Variants in SAP30 observed in about 807,000 individuals in gnomAD.
SAP30 encodes the protein Sin3A associated protein 30, also known as histone deacetylase complex subunit SAP30.
A neutral mutation model predicts 19.6 loss-of-function variants in SAP30; 13 were observed. That is an observed-to-expected ratio of 0.66 (90% confidence interval 0.43 to 1.05). The LOEUF (loss-of-function observed/expected upper bound fraction) is 1.05, where lower values mean the gene tolerates loss of function less well. SAP30 is among the 50% of genes least tolerant of loss of function. The pLI, the probability that SAP30 is intolerant of heterozygous loss-of-function variation, is 0.00. For missense variants in SAP30, 257 were observed against 292.1 expected, an observed-to-expected ratio of 0.88 and a Z score of 0.88; for synonymous variants, 108 against 122.7, an observed-to-expected ratio of 0.88 and a Z score of 0.79.
At chr4:173,377,102 A>T (rs1475039529) in intron 3 of SAP30, 103 bp from the exon 4 acceptor site, 1 of 734,290 alleles carries the variant, frequency 1.4e-6, no homozygotes, top group Non-Finnish European at 2.1e-6. Flanking sequence ...AATAGCCCTT[A>T]TCACATAGCA....
At chr4:173,376,363 C>T (rs1483363280) in intron 3 of SAP30, among the ~76,000 whole-genome samples, 1 of 152,062 alleles carries the variant, frequency 6.6e-6, no homozygotes, top group Non-Finnish European at 1.5e-5. Flanking sequence ...TTCAAGGAAC[C>T]TTAACCAAAG....
Position 173,371,614 on chromosome 4 carries a change from T to G in SAP30, c.315+117T>G. ...GACAACCGCACTGGCTGCAGTGCGG[T>G]CTCGTGGAGTCTGTGTTTGGAAGCA... On this transcript the variant is annotated intron_variant, in intron 1 of 3. Coordinates refer to ENST00000296504, the MANE Select transcript of SAP30 (RefSeq NM_003864.4). This position sits in a 1 kb window ranked among gnomAD's most constrained non-coding sequence, Gnocchi z 6.4. 2.1e-6 allele frequency: 3 copies of G among 1,444,582 alleles called. No individual in the cohort carries two copies. Among genetic ancestry groups the G allele is most frequent in the Non-Finnish European group, 2.7e-6 (3 of 1,097,322 alleles). 89.5% of individuals were successfully genotyped at this position (1,444,582 alleles called of 1,614,324 possible). A position where few individuals can be genotyped will look rare whatever the true frequency, so the allele number is the denominator to read the frequency against.
chr4:173,373,254 A>G, intron 1 of SAP30, 136 bp from the exon 2 acceptor site: 1 of 678,476 alleles, frequency 1.5e-6, no homozygotes, highest in South Asian at 2.7e-5. Context: ...TAAACGTATA[A>G]ATATTCCATT....
At chr4:173,373,578 A>G in intron 2 of SAP30, 63 bp downstream of exon 2, 2 of 1,439,506 alleles carry the variant, frequency 1.4e-6, no homozygotes, top group Non-Finnish European at 1.9e-6. Context: ...GCCTTTATAA[A>G]AAGATATGAA....
Position 173,371,526 on chromosome 4 carries a change from T to A in SAP30, c.315+29T>A. On this transcript the variant is annotated intron_variant, in intron 1 of 3. Transcript: ENST00000296504. This position sits in a 1 kb window ranked among gnomAD's most constrained non-coding sequence, Gnocchi z 6.4. ...AGTAAACCGCGGGACCGCCCTGCCC[T>A]CCCGCCCCTCGGTGGGGCCCCAGGA... 6.4e-7 allele frequency: 1 copy of A among 1,565,882 alleles called. No individual in the cohort carries two copies. Among genetic ancestry groups the A allele is most frequent in the Non-Finnish European group, 8.6e-7 (1 of 1,159,658 alleles).
chr4:173,373,378 T>C lies in SAP30; in HGVS notation c.316-12T>C, dbSNP rs770793790. The C allele has an allele frequency of 1.9e-5, 31 of 1,597,242 alleles. No individual in the cohort carries two copies. Among genetic ancestry groups the C allele is most frequent in the Non-Finnish European group, 2.3e-5 (27 of 1,173,000 alleles). On this transcript the variant is annotated splice_polypyrimidine_tract_variant and intron_variant, in intron 1 of 3. Transcript: ENST00000296504. ...GTAATCATAAGCAGTGTGTAAAACT[T>C]TTCTGTTTCAGGCAAGGCATCTTTA...
intron 3 of SAP30, among the ~76,000 whole-genome samples, chr4:173,375,842 C>A (rs1560823875): frequency 6.6e-6 from 1 of 152,214 alleles, no homozygotes; most frequent in East Asian, 1.9e-4. Flanking sequence ...CACCAGCTAG[C>A]AAGCATTACT....
chr4:173,371,097 T>A lies in SAP30; in HGVS notation c.-86T>A. 1 of 1,333,542 alleles carries A rather than the reference T, an allele frequency of 7.5e-7. No homozygotes were observed. The highest frequency in any genetic ancestry group is 9.7e-7 in the Non-Finnish European group (1 of 1,032,312). The allele number at this position is 1,333,542 out of a possible 1,614,324, so 82.6% of individuals were successfully genotyped here. A position where few individuals can be genotyped will look rare whatever the true frequency, so the allele number is the denominator to read the frequency against. ...CCGCTGTCTAACTTGGTGTGCAGAG[T>A]GAATTGCCGCTGCCGGAGCGGAGAG... On this transcript the variant is annotated 5_prime_UTR_variant, in exon 1 of 4. Coordinates refer to ENST00000296504, the MANE Select transcript of SAP30 (RefSeq NM_003864.4). The surrounding 1 kb of genome is among the most constrained non-coding windows in gnomAD (Gnocchi z 6.4).
In SAP30 at chr4:173,373,513, G is replaced by C; in HGVS notation, c.439G>C (p.Glu147Gln). The change falls in exon 2 of 4, where the codon GAG becomes CAG. Residue 147 changes from glutamate (E) to glutamine (Q), a missense_variant and splice_region_variant. Transcript: ENST00000296504. ...DSPVQDIDTP[E>Q]VDLYQLQVNT... The stretch of plus-strand genomic sequence containing the variant: ...ACCTGTTCAAGATATTGATACCCCA[G>C]AGGTAGATGGAAGTTTTTTATGCTT... 1 of 1,593,330 alleles carries C rather than the reference G, an allele frequency of 6.3e-7. No homozygotes were observed. Among genetic ancestry groups the C allele is most frequent in the Non-Finnish European group, 8.5e-7 (1 of 1,171,728 alleles).
chr4:173,371,524 C>A lies in SAP30; in HGVS notation c.315+27C>A. On this transcript the variant is annotated intron_variant, in intron 1 of 3. Transcript: ENST00000296504. The surrounding 1 kb of genome is among the most constrained non-coding windows in gnomAD (Gnocchi z 6.4). ...TAAGTAAACCGCGGGACCGCCCTGC[C>A]CTCCCGCCCCTCGGTGGGGCCCCAG... 1 of 1,568,452 alleles carries A rather than the reference C, an allele frequency of 6.4e-7. No homozygotes were observed.
intron 3 of SAP30, among the ~76,000 whole-genome samples, chr4:173,375,697 A>G (rs1225866778): frequency 3.3e-5 from 5 of 152,202 alleles, no homozygotes; most frequent in Non-Finnish European, 7.4e-5. Context: ...CTTAATCAGA[A>G]ATGCAGATAT....
In SAP30 at chr4:173,371,365, G is replaced by C; in HGVS notation, c.183G>C (p.Pro61=). 1 of 1,522,660 alleles carries C rather than the reference G, an allele frequency of 6.6e-7. No homozygotes were observed. The highest frequency in any genetic ancestry group is 8.7e-7 in the Non-Finnish European group (1 of 1,145,362). The allele number at this position is 1,522,660 out of a possible 1,614,324, so 94.3% of individuals were successfully genotyped here. A position where few individuals can be genotyped will look rare whatever the true frequency, so the allele number is the denominator to read the frequency against. ...CTGGGCCCCCGGGGGCGGCCGGGCCGGGCCCCGGGCAACTGTGCTGCCTGC... is the reference window on the plus strand; with the variant it reads ...CTGGGCCCCCGGGGGCGGCCGGGCCCGGCCCCGGGCAACTGTGCTGCCTGC... The part of the protein sequence containing the change: ...SAAGPPGAAG[P]GPGQLCCLRE... The change falls in exon 1 of 4, where the codon CCG becomes CCC. Residue 61 remains proline (P), a synonymous_variant. Coordinates refer to ENST00000296504, the MANE Select transcript of SAP30 (RefSeq NM_003864.4). This position sits in a 1 kb window ranked among gnomAD's most constrained non-coding sequence, Gnocchi z 6.4.
At position 173,377,420 on chromosome 4, in the gene SAP30, G is replaced by T; in HGVS notation, c.*93G>T. The T allele has an allele frequency of 8.0e-7, 1 of 1,251,844 alleles. No individual in the cohort carries two copies. Among genetic ancestry groups the T allele is most frequent in the Non-Finnish European group, 1.1e-6 (1 of 909,830 alleles). 77.5% of individuals were successfully genotyped at this position (1,251,844 alleles called of 1,614,324 possible). A position where few individuals can be genotyped will look rare whatever the true frequency, so the allele number is the denominator to read the frequency against. On this transcript the variant is annotated 3_prime_UTR_variant, in exon 4 of 4. Transcript: ENST00000296504. ...GTTCTTTGTGTATTTTTTCTACAGAGGATTTTCTCTGATTTTATTTTCTTT... is the reference window on the plus strand; with the variant it reads ...GTTCTTTGTGTATTTTTTCTACAGATGATTTTCTCTGATTTTATTTTCTTT...
chr4:173,371,835 G>A lies in SAP30; in HGVS notation c.315+338G>A, dbSNP rs1450051791. ...ACCGGCGCACTGAGGGCCCAGAGTA[G>A]TTTTCTTGCAGCCCGGCAGCTCTTC... is the stretch of plus-strand genomic sequence containing the variant. On this transcript the variant is annotated intron_variant, in intron 1 of 3. Coordinates refer to ENST00000296504, the MANE Select transcript of SAP30 (RefSeq NM_003864.4). The surrounding 1 kb of genome is among the most constrained non-coding windows in gnomAD (Gnocchi z 6.4). 6.6e-6 allele frequency among the ~76,000 whole-genome samples: 1 copy of A among 152,220 alleles called. No individual in the cohort carries two copies. Among genetic ancestry groups the A allele is most frequent in the Non-Finnish European group, 1.5e-5 (1 of 68,050 alleles).
chr4:173,371,296 G>A lies in SAP30; in HGVS notation c.114G>A (p.Ala38=). The change falls in exon 1 of 4, where the codon GCG becomes GCA. Residue 38 remains alanine, a synonymous_variant. Coordinates refer to ENST00000296504, the MANE Select transcript of SAP30 (RefSeq NM_003864.4). This position sits in a 1 kb window ranked among gnomAD's most constrained non-coding sequence, Gnocchi z 6.4. ...AAASAGNGTG[A]GTGAEVPGAG... is the part of the protein sequence containing the mutation. ...CCTCGGCGGGGAACGGGACCGGCGC[G>A]GGCACCGGGGCTGAGGTGCCGGGCG... 1 of 1,235,142 alleles carries A rather than the reference G, an allele frequency of 8.1e-7. No homozygotes were observed. Among genetic ancestry groups the A allele is most frequent in the Non-Finnish European group, 1.0e-6 (1 of 994,398 alleles). 76.5% of individuals were successfully genotyped at this position (1,235,142 alleles called of 1,614,324 possible).
intron 3 of SAP30, among the ~76,000 whole-genome samples, chr4:173,376,703 C>T (rs1435435422): frequency 1.3e-5 from 2 of 152,230 alleles, no homozygotes; most frequent in African/African-American, 2.4e-5. Flanking sequence ...ACTGCAACCT[C>T]CACCTTCTGG....
At position 173,377,334 on chromosome 4, in the gene SAP30, T is replaced by C. The variant is rs762762104; in HGVS notation, c.*7T>C. ...TGATAGTGGTGTTCACTAGGAGACG[T>C]GGAATTGAGACTAATAACTTGGATG... On this transcript the variant is annotated 3_prime_UTR_variant, in exon 4 of 4. Transcript: ENST00000296504. 2.5e-6 allele frequency: 4 copies of C among 1,598,062 alleles called. No homozygotes were observed. The highest frequency in any genetic ancestry group is 1.8e-5 in the Admixed American group (1 of 56,110).
Position 173,371,193 on chromosome 4 carries a change from T to A in SAP30, c.11T>A (p.Phe4Tyr). MNG[F>Y]TPDEMSRGGD... ...CGGGAGCTCGGAGACATGAACGGCTTCACGCCTGACGAGATGAGCCGCGGC... is the reference window on the plus strand; with the variant it reads ...CGGGAGCTCGGAGACATGAACGGCTACACGCCTGACGAGATGAGCCGCGGC... Residue 4 changes from phenylalanine (F) to tyrosine (Y), a missense_variant, in exon 1 of 4, where the codon TTC becomes TAC. Coordinates refer to ENST00000296504, the MANE Select transcript of SAP30 (RefSeq NM_003864.4). The surrounding 1 kb of genome is among the most constrained non-coding windows in gnomAD (Gnocchi z 6.4). The A allele has an allele frequency of 6.8e-7, 1 of 1,464,432 alleles. No homozygotes were observed. Among genetic ancestry groups the A allele is most frequent in the Non-Finnish European group, 9.0e-7 (1 of 1,110,988 alleles). 90.7% of individuals were successfully genotyped at this position (1,464,432 alleles called of 1,614,324 possible). A position where few individuals can be genotyped will look rare whatever the true frequency, so the allele number is the denominator to read the frequency against.
chr4:173,371,186 A>T lies in SAP30; in HGVS notation c.4A>T (p.Asn2Tyr). The change falls in exon 1 of 4, where the codon AAC becomes TAC. Residue 2 changes from asparagine to tyrosine, a missense_variant. Asn to Tyr is a moderately radical substitution (Grantham distance 143). Coordinates refer to ENST00000296504, the MANE Select transcript of SAP30 (RefSeq NM_003864.4). This position sits in a 1 kb window ranked among gnomAD's most constrained non-coding sequence, Gnocchi z 6.4. ...CCGGCCTCGGGAGCTCGGAGACATG[A>T]ACGGCTTCACGCCTGACGAGATGAG... M[N>Y]GFTPDEMSRG... 1 of 1,494,996 alleles carries T rather than the reference A, an allele frequency of 6.7e-7. No homozygotes were observed. Among genetic ancestry groups the T allele is most frequent in the Admixed American group, 2.1e-5 (1 of 47,520 alleles). 92.6% of individuals were successfully genotyped at this position (1,494,996 alleles called of 1,614,324 possible).
Sources: allele counts gnomAD v4.1 joint callset (sites outside exome capture counted in the v4.1 genomes callset), GRCh38; gene constraint gnomAD v4.1.1; non-coding constraint Gnocchi (gnomAD v3.1); transcripts MANE v1.5; gene names NCBI Gene and HGNC (gene_info 2026-07-23, HGNC 2026-07-21).